The following NUP62CL variants were observed in gnomAD, a reference collection of about 807,000 sequenced individuals.
The protein encoded by NUP62CL is nucleoporin-62 C-terminal-like protein.
NUP62CL carries 13 observed loss-of-function variants against 15.3 expected under a neutral mutation model. The ratio of observed to expected loss-of-function variants is 0.85; its 90% CI spans 0.55 to 1.35. The LOEUF (loss-of-function observed/expected upper bound fraction) is 1.35. NUP62CL is among the 40% of genes most tolerant of loss of function. The pLI is 0.00. For missense variants in NUP62CL, 123 were observed against 130.6 expected, an observed-to-expected ratio of 0.94 and a Z score of 0.28; for synonymous variants, 54 against 49.2, an observed-to-expected ratio of 1.10 and a Z score of -0.41.
At chrX:107,191,590 C>T (rs1169044881) in intron 2 of NUP62CL, among the ~76,000 whole-genome samples, 1 of 110,446 alleles carries the variant, frequency 9.1e-6, no homozygotes, top group African/African-American at 3.3e-5. Flanking sequence ...TGCCTGTAAT[C>T]CCAGCTACTC....
At chrX:107,178,934 A>G (rs180839743) in intron 2 of NUP62CL, among the ~76,000 whole-genome samples, 2 of 109,671 alleles carry the variant, frequency 1.8e-5, no homozygotes, top group African/African-American at 6.7e-5. Context: ...TCTACTAAAA[A>G]TAAAAAAAAA....
At chrX:107,180,685 G>A (rs1275784137) in intron 2 of NUP62CL, among the ~76,000 whole-genome samples, 1 of 111,119 alleles carries the variant, frequency 9.0e-6, no homozygotes, top group Non-Finnish European at 1.9e-5. Flanking sequence ...AAGAAGCTCT[G>A]GAAAGACATA....
chrX:107,147,714 C>T, intron 8 of NUP62CL, 29 bp downstream of exon 8: 3 of 887,216 alleles, frequency 3.4e-6, no homozygotes, highest in Non-Finnish European at 5.0e-6. Context: ...GCAATAAATA[C>T]ACAGAGTGGC....
intron 2 of NUP62CL, among the ~76,000 whole-genome samples, chrX:107,187,692 C>T (rs1306853736): frequency 1.8e-5 from 2 of 112,631 alleles, no homozygotes; most frequent in Admixed American, 9.3e-5. Flanking sequence ...GCCACTGCAC[C>T]CAGCCAAGAG....
intron 2 of NUP62CL, among the ~76,000 whole-genome samples, chrX:107,191,802 C>T (rs1056725685): frequency 7.1e-5 from 8 of 112,131 alleles, no homozygotes; most frequent in East Asian, 2.8e-4. Context: ...TCAAACAACA[C>T]GCATCTCTTT....
intron 8 of NUP62CL, among the ~76,000 whole-genome samples, chrX:107,141,345 G>A (rs1241529009): frequency 8.9e-6 from 1 of 112,319 alleles, no homozygotes; most frequent in African/African-American, 3.2e-5. Context: ...ACAAAGATGA[G>A]CAAGTGGCTA....
chrX:107,182,631 A>G (rs377656987), intron 2 of NUP62CL, among the ~76,000 whole-genome samples: 8 of 111,413 alleles, frequency 7.2e-5, no homozygotes, highest in South Asian at 7.6e-4. Context: ...AAAGAGATCA[A>G]CAGAACAGAA....
intron 1 of NUP62CL, among the ~76,000 whole-genome samples, chrX:107,196,671 A>G (rs899352546): frequency 2.7e-5 from 3 of 111,453 alleles, no homozygotes; most frequent in African/African-American, 9.8e-5. Flanking sequence ...GCTGGTCTCA[A>G]ACTCCTGACC....
At chrX:107,147,522 A>C (rs1046794703) in intron 8 of NUP62CL, among the ~76,000 whole-genome samples, 1 of 111,271 alleles carries the variant, frequency 9.0e-6, no homozygotes, top group Non-Finnish European at 1.9e-5. Flanking sequence ...CCCCATTCCT[A>C]TCCATCCTCT....
chrX:107,136,845 T>A (rs1054277778), intron 8 of NUP62CL, among the ~76,000 whole-genome samples: 23 of 111,810 alleles, frequency 2.1e-4, no homozygotes, highest in African/African-American at 7.5e-4. Flanking sequence ...GGTGGGTGGA[T>A]CACCAGATGT....
At chrX:107,126,747 CAAG>C (rs1322783262) in intron 8 of NUP62CL, among the ~76,000 whole-genome samples, 1 of 112,369 alleles carries the variant, frequency 8.9e-6, no homozygotes, top group Non-Finnish European at 1.9e-5. Context: ...TAAAAAACAA[CAAG>C]AGGCTGGGTG....
intron 1 of NUP62CL, among the ~76,000 whole-genome samples, chrX:107,204,845 T>TTTAAATAAATTTTAAATAAA (rs1927617621): frequency 1.4e-5 from 1 of 72,248 alleles, no homozygotes; most frequent in Non-Finnish European, 2.3e-5. Context: ...AAATAAATTA[T>TTTAAATAAATTTTAAATAAA]TTATTTAAAT....
intron 1 of NUP62CL, among the ~76,000 whole-genome samples, chrX:107,204,787 A>AAATAAATTATTTAAATAAATTTT (rs1300138434): frequency 1.6e-3 from 142 of 86,853 alleles, no homozygotes; most frequent in Non-Finnish European, 2.7e-3. Context: ...AATAAATTTT[A>AAATAAATTATTTAAATAAATTTT]AATAAATTAT....
At chrX:107,135,980 AAAG>A (rs1197215944) in intron 8 of NUP62CL, among the ~76,000 whole-genome samples, 2 of 110,714 alleles carry the variant, frequency 1.8e-5, no homozygotes, top group East Asian at 2.8e-4. Flanking sequence ...CACTTATTAA[AAAG>A]AAGGAGAGTT....
intron 8 of NUP62CL, among the ~76,000 whole-genome samples, chrX:107,126,152 T>G (rs1195358471): frequency 8.9e-6 from 1 of 112,287 alleles, no homozygotes; most frequent in Non-Finnish European, 1.9e-5. Context: ...AAAAGAATTA[T>G]AATACTTAGG....
At chrX:107,194,904 C>T (rs756707994) in intron 1 of NUP62CL, among the ~76,000 whole-genome samples, 7 of 103,799 alleles carry the variant, frequency 6.7e-5, no homozygotes, top group East Asian at 6.0e-4. Context: ...GTAACCTCCG[C>T]GTCCCGGATT....
chrX:107,150,921 G>T, intron 7 of NUP62CL: 1 of 342,695 alleles, frequency 2.9e-6, no homozygotes. Flanking sequence ...TTGAGATCTT[G>T]GGCCATTTGT....
chrX:107,129,691 C>T (rs949163000), intron 8 of NUP62CL, among the ~76,000 whole-genome samples: 6 of 111,826 alleles, frequency 5.4e-5, no homozygotes, highest in Non-Finnish European at 1.1e-4. Flanking sequence ...GCCCCACCTA[C>T]AAAACTTTTC....
At chrX:107,146,447 C>A (rs1925884119) in intron 8 of NUP62CL, among the ~76,000 whole-genome samples, 1 of 111,814 alleles carries the variant, frequency 8.9e-6, no homozygotes, top group South Asian at 3.7e-4. Flanking sequence ...GTATTTGGTA[C>A]ATTTTCTGCT....
Sources: allele counts gnomAD v4.1 joint callset (sites outside exome capture counted in the v4.1 genomes callset), GRCh38; gene constraint gnomAD v4.1.1; transcripts MANE v1.5; gene names NCBI Gene and HGNC (gene_info 2026-07-23, HGNC 2026-07-21).